The following GNA12 variants were observed in gnomAD, a reference collection of about 807,000 sequenced individuals.
GNA12 encodes guanine nucleotide-binding protein subunit alpha-12.
Under a neutral mutation model 26.0 loss-of-function variants are expected in GNA12, and 9 were observed. The ratio of observed to expected loss-of-function variants is 0.35; its 90% CI spans 0.21 to 0.60. GNA12 has a LOEUF of 0.60. Among genes scored for constraint, GNA12 ranks in the 20% least tolerant of loss-of-function variants. GNA12 has a pLI of 0.78. For synonymous variants in GNA12, 264 were observed against 219.6 expected (o/e 1.20, Z -1.79); for missense variants, 405 against 525.8 (o/e 0.77, Z 2.25).
At chr7:2,763,083 G>A (rs1230401868) in intron 2 of GNA12, 2 of 1,249,918 alleles carry the variant, frequency 1.6e-6, no homozygotes, top group Non-Finnish European at 2.0e-6. Context: ...TACCAGCCTT[G>A]AGTGAGAGAC....
chr7:2,788,906 C>T (rs1792434237), intron 2 of GNA12, among the ~76,000 whole-genome samples: 1 of 152,056 alleles, frequency 6.6e-6, no homozygotes, highest in Non-Finnish European at 1.5e-5. Flanking sequence ...CTGCAACCTC[C>T]ATCCCTGGGC....
chr7:2,735,230 C>CTGT (rs1790106981), intron 2 of GNA12, among the ~76,000 whole-genome samples: 1 of 152,252 alleles, frequency 6.6e-6, no homozygotes, highest in Non-Finnish European at 1.5e-5. Flanking sequence ...CATCAGCATA[C>CTGT]TGTCCCTCCC....
rs1789864846 is a variant in GNA12, at chr7:2,731,107, A to G, written c.*74T>C. On this transcript the variant is annotated 3_prime_UTR_variant, in exon 4 of 4. Transcript: ENST00000275364. The surrounding 1 kb of genome is among the most constrained non-coding windows in gnomAD (Gnocchi z 6.0). ...AGAAACCCACTCAAGGACCACACAG[A>G]CAACACACACCCAAGAGTCTGACCG... The G allele has an allele frequency of 9.9e-7, 1 of 1,008,006 alleles. No homozygotes were observed. The highest frequency in any genetic ancestry group is 1.5e-6 in the Non-Finnish European group (1 of 666,036). The allele number at this position is 1,008,006 out of a possible 1,614,324, so 62.4% of individuals were successfully genotyped here.
rs563584043 is a variant in GNA12, at chr7:2,797,385, C to T, written c.310-2242G>A. On this transcript the variant is annotated intron_variant, in intron 1 of 3. Transcript: ENST00000275364. Reference sequence around the variant, plus strand: ...TCTCAAACTCCTGAGCTCAACTGATCCTCTGGCCTTAGCCTTCCAAAGCAC... The same window carrying T: ...TCTCAAACTCCTGAGCTCAACTGATTCTCTGGCCTTAGCCTTCCAAAGCAC... 1.6e-4 allele frequency among the ~76,000 whole-genome samples: 25 copies of T among 152,150 alleles called. No homozygotes were observed. In the South Asian group the frequency reaches 5.2e-3, roughly 32 times the overall value.
chr7:2,814,536 G>A, intron 1 of GNA12: 1 of 666,638 alleles, frequency 1.5e-6, no homozygotes, highest in South Asian at 1.8e-5. Context: ...CTGCACCCAT[G>A]AAGTCTTTAC....
chr7:2,762,699 G>A (rs1791620196), intron 2 of GNA12: 1 of 1,573,396 alleles, frequency 6.4e-7, no homozygotes. Context: ...CTGCCCGGGT[G>A]GAGGAGCGCC....
At chr7:2,839,471 C>T (rs1196810009) in intron 1 of GNA12, among the ~76,000 whole-genome samples, 2 of 152,130 alleles carry the variant, frequency 1.3e-5, no homozygotes, top group Non-Finnish European at 2.9e-5. Flanking sequence ...GCAACCTATG[C>T]CTCCTAGGTT....
At chr7:2,755,414 C>A (rs1275897064) in intron 2 of GNA12, among the ~76,000 whole-genome samples, 1 of 152,158 alleles carries the variant, frequency 6.6e-6, no homozygotes, top group Non-Finnish European at 1.5e-5. Flanking sequence ...GTTTAGATCT[C>A]ATTTCTTGAG....
intron 2 of GNA12, among the ~76,000 whole-genome samples, chr7:2,734,370 A>G (rs748547035): frequency 6.6e-5 from 10 of 152,236 alleles, no homozygotes; most frequent in Non-Finnish European, 1.2e-4. Flanking sequence ...CTCTAAAGAC[A>G]GACACCAGCA....
At chr7:2,739,417 G>T (rs574566297) in intron 2 of GNA12, among the ~76,000 whole-genome samples, 1 of 152,122 alleles carries the variant, frequency 6.6e-6, no homozygotes, top group African/African-American at 2.4e-5. Context: ...TACTTGGTGC[G>T]GCATTTCCGA....
intron 1 of GNA12, among the ~76,000 whole-genome samples, chr7:2,802,864 A>T (rs1487508266): frequency 6.6e-6 from 1 of 152,254 alleles, no homozygotes; most frequent in African/African-American, 2.4e-5. Flanking sequence ...TGTAAAGGTC[A>T]GCGAGAAACT....
At chr7:2,757,441 T>G (rs533992924) in intron 2 of GNA12, among the ~76,000 whole-genome samples, 1 of 152,230 alleles carries the variant, frequency 6.6e-6, no homozygotes, top group South Asian at 2.1e-4. Context: ...AGGGCACCCC[T>G]AGGAGCTGCC....
At chr7:2,825,009 C>A (rs1403207632) in intron 1 of GNA12, among the ~76,000 whole-genome samples, 3 of 152,214 alleles carry the variant, frequency 2.0e-5, no homozygotes, top group African/African-American at 4.8e-5. Context: ...TGCGGGTGGA[C>A]AGACACCTGG....
At chr7:2,776,951 T>C (rs975788943) in intron 2 of GNA12, among the ~76,000 whole-genome samples, 3 of 141,010 alleles carry the variant, frequency 2.1e-5, no homozygotes, top group Admixed American at 1.5e-4. Flanking sequence ...GTCTCAATAA[T>C]AAAATAAGAA....
At chr7:2,835,822 C>T in intron 1 of GNA12, 1 of 649,698 alleles carries the variant, frequency 1.5e-6, no homozygotes, top group South Asian at 1.5e-5. Context: ...CTTAATGATG[C>T]CTTATCAAAT....
intron 2 of GNA12, among the ~76,000 whole-genome samples, chr7:2,776,792 C>T (rs111765441): frequency 1.8e-3 from 273 of 152,254 alleles, no homozygotes; most frequent in African/African-American, 6.2e-3. Context: ...TGTTTTTAAA[C>T]CTTACGTCGG....
chr7:2,744,149 G>A (rs924245561), intron 2 of GNA12, among the ~76,000 whole-genome samples: 8 of 152,222 alleles, frequency 5.3e-5, no homozygotes, highest in African/African-American at 1.2e-4. Context: ...AAATGTCCCC[G>A]TCTGACAGCT....
chr7:2,768,701 G>GA lies in GNA12; in HGVS notation c.525+26226_525+26227insT, dbSNP rs1583264709. On this transcript the variant is annotated intron_variant, in intron 2 of 3. Transcript: ENST00000275364. ...ACAAAACAAAACAAAAAAAAAAACA[G>GA]TAAACCTATGGATAAAGGAGAGTTC... Among the ~76,000 whole-genome samples, 3 of 132,652 alleles carry GA rather than the reference G, an allele frequency of 2.3e-5. No homozygotes were observed. In the East Asian group the frequency reaches 6.6e-4, roughly 29 times the overall value. The allele number at this position is 132,652 out of a possible 152,430, so 87.0% of individuals were successfully genotyped here. A position where few individuals can be genotyped will look rare whatever the true frequency, so the allele number is the denominator to read the frequency against.
intron 1 of GNA12, among the ~76,000 whole-genome samples, chr7:2,842,887 T>C (rs1213699440): frequency 1.3e-5 from 2 of 152,212 alleles, no homozygotes; most frequent in Non-Finnish European, 2.9e-5. Flanking sequence ...TTGGAGACCA[T>C]GGGGAGGGCA....
Sources: allele counts gnomAD v4.1 joint callset (sites outside exome capture counted in the v4.1 genomes callset), GRCh38; gene constraint gnomAD v4.1.1; non-coding constraint Gnocchi (gnomAD v3.1); transcripts MANE v1.5; gene names NCBI Gene and HGNC (gene_info 2026-07-23, HGNC 2026-07-21).